Variants in TBC1D21 observed in about 807,000 individuals in gnomAD.
The protein encoded by TBC1D21 is TBC1 domain family member 21.
In TBC1D21, 38 loss-of-function variants were observed where a neutral mutation model predicts 46.0. That is an observed-to-expected ratio of 0.83 (90% CI 0.64 to 1.08). The LOEUF (loss-of-function observed/expected upper bound fraction) is 1.08. TBC1D21 is among the 50% of genes least tolerant of loss of function. TBC1D21 has a pLI of 0.00. For missense variants in TBC1D21, 415 were observed against 417.9 expected, an observed-to-expected ratio of 0.99 and a Z score of 0.06; for synonymous variants, 151 against 157.2, an observed-to-expected ratio of 0.96 and a Z score of 0.29.
rs754957952 is a variant in TBC1D21 at position 73,887,781 on chromosome 15, C to T, written c.894+45C>T. 6 of 1,524,058 alleles carry T rather than the reference C, an allele frequency of 3.9e-6. No homozygotes were observed. In the Admixed American group the frequency reaches 6.7e-5, roughly 17 times the overall value. 94.4% of individuals were successfully genotyped at this position (1,524,058 alleles called of 1,614,324 possible). On this transcript the variant is annotated intron_variant, in intron 9 of 10. Transcript: ENST00000300504. ...AGCTACCACCCCTGCTCCTGGAGGC[C>T]CTGACACCCCACCCCACCCCAGCTG...
chr15:73,893,381 G>T (rs546494720), downstream of TBC1D21, among the ~76,000 whole-genome samples: 37 of 152,300 alleles, frequency 2.4e-4, no homozygotes, highest in African/African-American at 8.7e-4. Context: ...AAGCAGCCAG[G>T]CCCCATCCAA....
chr15:73,876,188 T>C (rs867280255), intron 1 of TBC1D21, among the ~76,000 whole-genome samples: 16 of 145,590 alleles, frequency 1.1e-4, no homozygotes, highest in African/African-American at 3.8e-4. Flanking sequence ...AATCAGTGAC[T>C]TTTTTTGTGG....
chr15:73,899,205 C>T, the TBC1D21 span, among the ~76,000 whole-genome samples: 1 of 152,102 alleles, frequency 6.6e-6, no homozygotes, highest in African/African-American at 2.4e-5. Flanking sequence ...GCTTCAGTTT[C>T]TCTACCTGAG....
At chr15:73,876,004 C>T (rs890753037) in intron 1 of TBC1D21, among the ~76,000 whole-genome samples, 30 of 151,674 alleles carry the variant, frequency 2.0e-4, no homozygotes, top group African/African-American at 5.8e-4. Flanking sequence ...AGAGAGAGGG[C>T]TTCTAAGTGA....
At chr15:73,903,229 C>A in the TBC1D21 span, among the ~76,000 whole-genome samples, 1 of 152,252 alleles carries the variant, frequency 6.6e-6, no homozygotes, top group Admixed American at 6.5e-5. Flanking sequence ...GCTGCCGCCT[C>A]CTGTCCTGGC....
intron 5 of TBC1D21, 28 bp from the exon 6 acceptor site, chr15:73,884,975 C>CCCA: frequency 2.5e-6 from 4 of 1,593,520 alleles, no homozygotes; most frequent in Non-Finnish European, 3.4e-6. Context: ...CACCCAGCCC[C>CCCA]TCCTCCCCAA....
chr15:73,884,734 C>T, intron 4 of TBC1D21, 47 bp from the exon 5 acceptor site: 3 of 1,391,374 alleles, frequency 2.2e-6, no homozygotes, highest in Non-Finnish European at 3.1e-6. Flanking sequence ...CATAGACCTG[C>T]TGGATGTGAT....
chr15:73,885,065 G>A lies in TBC1D21; in HGVS notation c.541G>A (p.Glu181Lys), dbSNP rs146169837. Residue 181 changes from glutamate (E) to lysine (K), a missense_variant, in exon 6 of 11, where the codon GAG (glutamate) becomes AAG (lysine). Transcript: ENST00000300504. Reference sequence around the variant, plus strand: ...CCAGCTGATGGTGGAGCACGACCACGAGACCTTCTGGCTTTTCCAGTTCTT... The same window carrying A: ...CCAGCTGATGGTGGAGCACGACCACAAGACCTTCTGGCTTTTCCAGTTCTT... The part of the protein sequence containing the change: ...LFQLMVEHDH[E>K]TFWLFQFFLQ... The A allele has an allele frequency of 3.9e-5, 63 of 1,611,168 alleles. No homozygotes were observed. The Middle Eastern group carries it at 5.0e-4, about 13-fold the overall frequency.
At chr15:73,897,011 T>C in the TBC1D21 span, among the ~76,000 whole-genome samples, 1 of 152,152 alleles carries the variant, frequency 6.6e-6, no homozygotes, top group Admixed American at 6.5e-5. Context: ...ACAAACGTCT[T>C]CTCAGGGCAA....
chr15:73,884,969 C>A, intron 5 of TBC1D21, 34 bp from the exon 6 acceptor site: 3 of 1,562,632 alleles, frequency 1.9e-6, no homozygotes, highest in South Asian at 1.1e-5. Context: ...CTCTCCCACC[C>A]AGCCCCTCCT....
At position 73,889,172 on chromosome 15, in the gene TBC1D21, G is replaced by A; in HGVS notation, c.*71G>A. 1 of 1,539,408 alleles carries A rather than the reference G, an allele frequency of 6.5e-7. No individual in the cohort carries two copies. The highest frequency in any genetic ancestry group is 8.9e-7 in the Non-Finnish European group (1 of 1,121,706). ...GAAGGCCAGGGGCACTGGAGTGAGG[G>A]AGTAGATAAAACAGCTGCAATATAA... On this transcript the variant is annotated 3_prime_UTR_variant, in exon 11 of 11. Transcript: ENST00000300504.
chr15:73,885,587 G>A (rs1202731198), intron 6 of TBC1D21, among the ~76,000 whole-genome samples: 1 of 151,992 alleles, frequency 6.6e-6, no homozygotes, highest in Non-Finnish European at 1.5e-5. Flanking sequence ...GGTTTTGAAG[G>A]TGCAGCTCCC....
At chr15:73,895,726 A>T in the TBC1D21 span, among the ~76,000 whole-genome samples, 1 of 152,190 alleles carries the variant, frequency 6.6e-6, no homozygotes. Flanking sequence ...ACGTACGGGC[A>T]TGGCTGACAT....
intron 6 of TBC1D21, among the ~76,000 whole-genome samples, 181 bp from the exon 7 acceptor site, chr15:73,885,895 TCA>T (rs1051564787): frequency 6.6e-6 from 1 of 150,742 alleles, no homozygotes; most frequent in African/African-American, 2.4e-5. Context: ...CATACACAGA[TCA>T]CAGTCACATA....
At chr15:73,874,843 G>C (rs1427780631) in intron 1 of TBC1D21, among the ~76,000 whole-genome samples, 1 of 152,142 alleles carries the variant, frequency 6.6e-6, no homozygotes, top group Non-Finnish European at 1.5e-5. Flanking sequence ...TCTTCATCAC[G>C]GTGCTGTACT....
At chr15:73,876,247 A>G (rs1356880923) in intron 1 of TBC1D21, among the ~76,000 whole-genome samples, 1 of 28,224 alleles carries the variant, frequency 3.5e-5, no homozygotes, top group African/African-American at 1.1e-4. Context: ...TTTTTTTTTG[A>G]GACGGAGTCT....
chr15:73,886,989 G>A (rs1293534900), intron 8 of TBC1D21, among the ~76,000 whole-genome samples: 1 of 151,922 alleles, frequency 6.6e-6, no homozygotes, highest in Non-Finnish European at 1.5e-5. Flanking sequence ...CCAGAGTGCT[G>A]CTCCTGTGGA....
chr15:73,881,122 A>G (rs767176232), intron 1 of TBC1D21, among the ~76,000 whole-genome samples: 1 of 152,218 alleles, frequency 6.6e-6, no homozygotes, highest in African/African-American at 2.4e-5. Context: ...AAAATATTCC[A>G]TTAAGCACAT....
the TBC1D21 span, among the ~76,000 whole-genome samples, chr15:73,905,978 G>C: frequency 1.3e-5 from 2 of 152,152 alleles, no homozygotes; most frequent in Non-Finnish European, 2.9e-5. Context: ...GGAGAACTCA[G>C]GTATCACTCG....
Sources: allele counts gnomAD v4.1 joint callset (sites outside exome capture counted in the v4.1 genomes callset), GRCh38; gene constraint gnomAD v4.1.1; transcripts MANE v1.5; gene names NCBI Gene and HGNC (gene_info 2026-07-23, HGNC 2026-07-21).